DNAJB1: variants seen among roughly 807,000 people sequenced by gnomAD.
DNAJB1 encodes dnaJ homolog subfamily B member 1.
A neutral mutation model predicts 24.0 loss-of-function variants in DNAJB1; 14 were observed. That is an observed-to-expected ratio of 0.58 (90% confidence interval 0.39 to 0.91). The LOEUF (loss-of-function observed/expected upper bound fraction) is 0.91. DNAJB1 is among the 40% of genes least tolerant of loss of function. DNAJB1 has a pLI of 0.00. For missense variants in DNAJB1, 517 were observed against 458.1 expected (o/e 1.13, Z -1.17); for synonymous variants, 262 against 174.4 (o/e 1.50, Z -3.96).
intron 2 of DNAJB1, among the ~76,000 whole-genome samples, chr19:14,524,978 G>T (rs1264808057): frequency 6.6e-6 from 1 of 152,126 alleles, no homozygotes; most frequent in Non-Finnish European, 1.5e-5. Flanking sequence ...GCTCATGCCT[G>T]TAATCCCAGC....
chr19:14,527,604 C>T (rs1319429333), intron 2 of DNAJB1: 1 of 152,180 alleles, frequency 6.6e-6, no homozygotes, highest in African/African-American at 2.4e-5. Context: ...TTCCTGTACT[C>T]GCAGTCAGGG....
chr19:14,559,601 A>C (rs2073844542), intron 1 of DNAJB1, among the ~76,000 whole-genome samples: 1 of 152,146 alleles, frequency 6.6e-6, no homozygotes, highest in Non-Finnish European at 1.5e-5. Context: ...AGCCTGGGCA[A>C]CATGGTGAAA....
upstream of DNAJB1, among the ~76,000 whole-genome samples, chr19:14,518,971 G>T (rs968478128): frequency 6.6e-6 from 1 of 152,240 alleles, no homozygotes; most frequent in African/African-American, 2.4e-5. Context: ...GGAGCCTCAT[G>T]CCTGTAATCC....
At position 14,515,470 on chromosome 19, in the gene DNAJB1, G is replaced by C. The variant is rs541133179; in HGVS notation, c.*470C>G. On this transcript the variant is annotated 3_prime_UTR_variant, in exon 3 of 3. Coordinates refer to ENST00000254322, the MANE Select transcript of DNAJB1 (RefSeq NM_006145.3). Reference sequence around the variant, plus strand: ...CCAAAGAGAAGACAGAATTCTCCAGGAGAAGAGCAAGACATGGGAGACAAA... The same window carrying C: ...CCAAAGAGAAGACAGAATTCTCCAGCAGAAGAGCAAGACATGGGAGACAAA... The C allele has an allele frequency of 6.4e-6, 1 of 155,968 alleles. No homozygotes were observed. Among genetic ancestry groups the C allele is most frequent in the East Asian group, 1.9e-4 (1 of 5,216 alleles). The allele number at this position is 155,968 out of a possible 1,614,324, so 9.7% of individuals were successfully genotyped here. A position where few individuals can be genotyped will look rare whatever the true frequency, so the allele number is the denominator to read the frequency against.
chr19:14,555,438 C>CTTTTTTTTTTTTTTT (rs747503834), intron 1 of DNAJB1, among the ~76,000 whole-genome samples: 1 of 92,904 alleles, frequency 1.1e-5, no homozygotes, highest in African/African-American at 4.6e-5. Flanking sequence ...TTTATTTATT[C>CTTTTTTTTTTTTTTT]TTTTTTTTTT....
Position 14,516,778 on chromosome 19 carries a change from T to C in DNAJB1, c.480A>G (p.Gln160=). The C allele has an allele frequency of 6.2e-7, 1 of 1,613,998 alleles. No individual in the cohort carries two copies. Among genetic ancestry groups the C allele is most frequent in the Non-Finnish European group, 8.5e-7 (1 of 1,180,010 alleles). ...GAAGGTCGTGGGTGACTGGGGGATC[T>C]TGCTTCTTTCGGGCGGGCTCTTGGG... is the stretch of plus-strand genomic sequence containing the variant. ...RSAQEPARKK[Q]DPPVTHDLRV... The change falls in exon 2 of 3, where the codon CAA becomes CAG. Residue 160 remains glutamine (Q), a synonymous_variant. Coordinates refer to ENST00000254322, the MANE Select transcript of DNAJB1 (RefSeq NM_006145.3).
At chr19:14,546,408 G>A (rs1399039845) in intron 1 of DNAJB1, among the ~76,000 whole-genome samples, 1 of 152,056 alleles carries the variant, frequency 6.6e-6, no homozygotes. Flanking sequence ...TCAACATGCT[G>A]AAACCCCTCT....
At chr19:14,527,559 GATA>G (rs2072452740) in intron 2 of DNAJB1, 1 of 152,154 alleles carries the variant, frequency 6.6e-6, no homozygotes, top group African/African-American at 2.4e-5. Context: ...CAGTGAAAAA[GATA>G]ATGAGTTTCC....
At chr19:14,543,962 T>A (rs1161379590) in intron 1 of DNAJB1, among the ~76,000 whole-genome samples, 1 of 151,486 alleles carries the variant, frequency 6.6e-6, no homozygotes, top group Non-Finnish European at 1.5e-5. Flanking sequence ...GGTCTCGAAC[T>A]CCTGACCTCA....
upstream of DNAJB1, among the ~76,000 whole-genome samples, chr19:14,521,913 C>T (rs546377045): frequency 7.9e-5 from 12 of 152,268 alleles, no homozygotes; most frequent in South Asian, 1.2e-3. Flanking sequence ...TGAGCCACCA[C>T]GCCCAGCCAG....
chr19:14,518,973 C>T (rs1272695324), upstream of DNAJB1, among the ~76,000 whole-genome samples: 3 of 152,242 alleles, frequency 2.0e-5, no homozygotes, highest in Admixed American at 1.3e-4. Context: ...AGCCTCATGC[C>T]TGTAATCCCA....
chr19:14,540,562 T>C (rs1293579715), intron 1 of DNAJB1, among the ~76,000 whole-genome samples: 1 of 152,068 alleles, frequency 6.6e-6, no homozygotes, highest in Non-Finnish European at 1.5e-5. Flanking sequence ...CCACTAATTT[T>C]TGTATTTTTA....
chr19:14,522,671 GACACACACACAGACACACACAC>G (rs1199298655), upstream of DNAJB1, among the ~76,000 whole-genome samples: 26 of 63,042 alleles, frequency 4.1e-4, no homozygotes, highest in Non-Finnish European at 6.9e-4. Context: ...CACAAACACA[GACACACACACAGACACACACAC>G]ACACACACAC....
At chr19:14,537,168 G>A in intron 1 of DNAJB1, among the ~76,000 whole-genome samples, 1 of 137,290 alleles carries the variant, frequency 7.3e-6, no homozygotes, top group South Asian at 2.5e-4. Flanking sequence ...GAAGAGGCGG[G>A]GCCGGGGGGG....
intron 1 of DNAJB1, among the ~76,000 whole-genome samples, chr19:14,557,487 T>A (rs939366663): frequency 6.6e-6 from 1 of 151,408 alleles, no homozygotes; most frequent in Non-Finnish European, 1.5e-5. Flanking sequence ...AGTCTTGCTC[T>A]GTCTCCCAGG....
In DNAJB1 at chr19:14,516,681, C is replaced by G. The variant is rs771619426; in HGVS notation, c.577G>C (p.Asp193His). The G allele has an allele frequency of 6.2e-7, 1 of 1,614,098 alleles. No individual in the cohort carries two copies. The highest frequency in any genetic ancestry group is 1.7e-5 in the Admixed American group (1 of 60,014). ...MKISHKRLNP[D>H]GKSIRNEDKI... is the part of the protein sequence containing the mutation. ...TCTTCGTTTCGAATGCTCTTTCCGT[C>G]GGGGTTTAGCCGCTTGTGGGAGATT... is the stretch of plus-strand genomic sequence containing the variant. The change falls in exon 2 of 3, where the codon GAC (aspartate) becomes CAC (histidine). Residue 193 changes from aspartate (D) to histidine (H), a missense_variant. By Grantham distance (81) the Asp-to-His change is moderately conservative (BLOSUM62 -1). Coordinates refer to ENST00000254322, the MANE Select transcript of DNAJB1 (RefSeq NM_006145.3).
At position 14,515,619 on chromosome 19, in the gene DNAJB1, C is replaced by T. The variant is rs1373794381; in HGVS notation, c.*321G>A. The T allele has an allele frequency of 1.5e-5, 5 of 343,090 alleles. No homozygotes were observed. Among genetic ancestry groups the T allele is most frequent in the Non-Finnish European group, 2.7e-5 (5 of 186,338 alleles). 21.3% of individuals were successfully genotyped at this position (343,090 alleles called of 1,614,324 possible). ...CAAAAAGACACAGAGGGATCAAGTC[C>T]ATCTGCTGGTCTGCCTCTCACCCCT... On this transcript the variant is annotated 3_prime_UTR_variant, in exon 3 of 3. Transcript: ENST00000254322.
chr19:14,527,212 A>ATTTTTTTT (rs1555727056), intron 2 of DNAJB1, among the ~76,000 whole-genome samples: 1 of 54,670 alleles, frequency 1.8e-5, no homozygotes, highest in African/African-American at 7.3e-5. Context: ...ACGGAGTTTC[A>ATTTTTTTT]TTCTTGTCAC....
chr19:14,538,080 C>T (rs917199929), intron 1 of DNAJB1, among the ~76,000 whole-genome samples: 1 of 152,136 alleles, frequency 6.6e-6, no homozygotes, highest in East Asian at 1.9e-4. Context: ...ATATCTAAAT[C>T]GTGTACTAAA....
Sources: allele counts gnomAD v4.1 joint callset (sites outside exome capture counted in the v4.1 genomes callset), GRCh38; gene constraint gnomAD v4.1.1; transcripts MANE v1.5; gene names NCBI Gene and HGNC (gene_info 2026-07-23, HGNC 2026-07-21).